Variants in ABI3BP observed in about 807,000 individuals in gnomAD.
ABI3BP encodes the protein target of Nesh-SH3.
A neutral mutation model predicts 268.6 loss-of-function variants in ABI3BP; 216 were observed. The observed-to-expected ratio is 0.80, with a 90% CI of 0.72 to 0.90. The LOEUF is 0.90. ABI3BP is among the 40% of genes least tolerant of loss of function. The pLI is 0.00. For synonymous variants in ABI3BP, 730 were observed against 730.0 expected (o/e 1.00, Z 0.00); for missense variants, 2,090 against 2,182.4 (o/e 0.96, Z 0.84).
In ABI3BP at chr3:100,855,177, C is replaced by T. The variant is rs965851291; in HGVS notation, c.1286-3237G>A. On this transcript the variant is annotated intron_variant, in intron 14 of 67. Transcript: ENST00000471714. ...TCCTGACCTTGTGATCCGCCCACCT[C>T]GGCCTCCCAAAGTGCTGGGATTACA... Among the ~76,000 whole-genome samples, 4 of 152,320 alleles carry T rather than the reference C, an allele frequency of 2.6e-5. 1 individual carries two copies. The highest frequency in any genetic ancestry group is 4.1e-4 in the South Asian group (2 of 4,830).
At chr3:100,783,759 A>G (rs2096939744) in intron 57 of ABI3BP, among the ~76,000 whole-genome samples, 1 of 152,250 alleles carries the variant, frequency 6.6e-6, no homozygotes, top group Admixed American at 6.5e-5. Context: ...TACACAGTAC[A>G]CATTGTACAT....
intron 50 of ABI3BP, among the ~76,000 whole-genome samples, chr3:100,806,445 A>G (rs2097709007): frequency 6.6e-6 from 1 of 152,106 alleles, no homozygotes; most frequent in Admixed American, 6.6e-5. Flanking sequence ...ATATATGTGT[A>G]CATATACACA....
chr3:100,898,882 G>C lies in ABI3BP; in HGVS notation c.341C>G (p.Ser114Cys). Residue 114 changes from serine to cysteine, a missense_variant, in exon 4 of 68, where the codon TCT (serine) becomes TGT (cysteine). Physicochemically the swap from Ser to Cys is moderately radical, Grantham distance 112. Transcript: ENST00000471714. ...AACCACCAGCTGCAGAGGTTTGCGA[G>C]AACGAGTTTTACCTGTGGAGGTGGC... is the stretch of plus-strand genomic sequence containing the variant. ...QKKSCSGKTRSRKPLQLVVGT... is the reference protein window; with the variant it reads ...QKKSCSGKTRCRKPLQLVVGT... The C allele has an allele frequency of 6.2e-7, 1 of 1,610,084 alleles. No homozygotes were observed. The highest frequency in any genetic ancestry group is 8.5e-7 in the Non-Finnish European group (1 of 1,178,460).
intron 2 of ABI3BP, among the ~76,000 whole-genome samples, chr3:100,909,392 A>T (rs1431050948): frequency 1.3e-5 from 2 of 152,082 alleles, no homozygotes; most frequent in African/African-American, 4.8e-5. Context: ...TGGCAAAAAA[A>T]AAAAGCCAAA....
At chr3:100,817,326 AAGATGACAAGATAGTCC>A (rs1445080164) in intron 42 of ABI3BP, 93 bp downstream of exon 42, 13 of 696,376 alleles carry the variant, frequency 1.9e-5, no homozygotes, top group Non-Finnish European at 2.5e-5. Flanking sequence ...AGGATAGCAG[AAGATGACAAGATAGTCC>A]TACAAAGCTG....
rs1177587697 is a variant in ABI3BP, at chr3:100,822,591, G to A, written c.2885C>T (p.Pro962Leu). Reference sequence around the variant, plus strand: ...TAAACCAGGAACACATAGTTTACCTGGTTTGGATTCAGGTGCTTCAGGACG... The same window carrying A: ...TAAACCAGGAACACATAGTTTACCTAGTTTGGATTCAGGTGCTTCAGGACG... ...TPRPEAPESK[P>L]VPTAELKPVT... Residue 962 changes from proline (P) to leucine (L), a missense_variant and splice_region_variant, in exon 38 of 68, where the codon CCA becomes CTA. By Grantham distance (98) the Pro-to-Leu change is moderately conservative (BLOSUM62 -3). Transcript: ENST00000471714. 6.5e-7 allele frequency: 1 copy of A among 1,536,220 alleles called. No individual in the cohort carries two copies. The highest frequency in any genetic ancestry group is 2.4e-5 in the East Asian group (1 of 40,886).
intron 52 of ABI3BP, 134 bp downstream of exon 52, chr3:100,796,275 A>G: frequency 1.5e-6 from 1 of 660,190 alleles, no homozygotes; most frequent in Non-Finnish European, 2.5e-6. Flanking sequence ...TACCCACAAG[A>G]AATATGCATT....
chr3:100,886,201 T>C lies in ABI3BP; in HGVS notation c.584A>G (p.Lys195Arg), dbSNP rs2041916725. 22 of 1,608,938 alleles carry C rather than the reference T, an allele frequency of 1.4e-5. No homozygotes were observed. Among genetic ancestry groups the C allele is most frequent in the Non-Finnish European group, 1.9e-5 (22 of 1,177,342 alleles). ...CCAAATTCCACCTTCCACATTGTCTTTCACTCCAAATTCATAAACTGTGTT... is the reference window on the plus strand; with the variant it reads ...CCAAATTCCACCTTCCACATTGTCTCTCACTCCAAATTCATAAACTGTGTT... ...KPNTVYEFGVKDNVEGGIWSK... is the reference protein window; with the variant it reads ...KPNTVYEFGVRDNVEGGIWSK... Residue 195 changes from lysine to arginine, a missense_variant, in exon 5 of 68, where the codon AAA becomes AGA. By Grantham distance (26) the Lys-to-Arg change is conservative. Coordinates refer to ENST00000471714, the MANE Select transcript of ABI3BP (RefSeq NM_001375547.2).
intron 2 of ABI3BP, among the ~76,000 whole-genome samples, chr3:100,910,431 T>G (rs76609074): frequency 1.3e-5 from 2 of 151,090 alleles, no homozygotes; most frequent in African/African-American, 2.4e-5. Context: ...AAAAAAAAAT[T>G]ATCAGTTTAG....
chr3:100,829,807 CT>C (rs2098453270), intron 32 of ABI3BP, 143 bp from the exon 33 acceptor site: 1 of 597,326 alleles, frequency 1.7e-6, no homozygotes, highest in Non-Finnish European at 2.9e-6. Flanking sequence ...TACAGTGTCT[CT>C]TTTTATCATG....
chr3:100,821,245 A>C, intron 38 of ABI3BP, 132 bp from the exon 39 acceptor site: 1 of 749,832 alleles, frequency 1.3e-6, no homozygotes. Context: ...AAAACTGTTA[A>C]AACTAAAAAA....
intron 4 of ABI3BP, among the ~76,000 whole-genome samples, chr3:100,890,946 A>G (rs2044338082): frequency 6.6e-6 from 1 of 151,612 alleles, no homozygotes; most frequent in Non-Finnish European, 1.5e-5. Flanking sequence ...TTAGGTCATT[A>G]ATATCTTTGG....
chr3:100,775,402 T>G, intron 59 of ABI3BP, 67 bp from the exon 60 acceptor site: 2 of 1,538,998 alleles, frequency 1.3e-6, no homozygotes, highest in Non-Finnish European at 1.8e-6. Flanking sequence ...AAACATTTAT[T>G]TATTCCATAA....
At chr3:100,878,515 A>T (rs1394873631) in intron 6 of ABI3BP, among the ~76,000 whole-genome samples, 1 of 152,248 alleles carries the variant, frequency 6.6e-6, no homozygotes, top group Non-Finnish European at 1.5e-5. Context: ...TAGAGGAATG[A>T]CGCAGATATA....
At chr3:100,840,245 G>A in intron 22 of ABI3BP, 81 bp from the exon 23 acceptor site, 1 of 1,102,972 alleles carries the variant, frequency 9.1e-7, no homozygotes, top group Non-Finnish European at 1.3e-6. Context: ...ATCTTAGAAG[G>A]ACATTTAAAC....
intron 38 of ABI3BP, 110 bp from the exon 39 acceptor site, chr3:100,821,223 T>C (rs1210022023): frequency 5.5e-6 from 5 of 906,512 alleles, no homozygotes; most frequent in African/African-American, 5.1e-5. Context: ...TAGAATTATA[T>C]AGCAACCTTT....
intron 1 of ABI3BP, among the ~76,000 whole-genome samples, chr3:100,930,550 T>C (rs1170338050): frequency 6.6e-6 from 1 of 151,968 alleles, no homozygotes; most frequent in Non-Finnish European, 1.5e-5. Flanking sequence ...CAAAAAACCC[T>C]CAGAGACTAT....
At chr3:100,834,006 C>T (rs543315030) in intron 29 of ABI3BP, among the ~76,000 whole-genome samples, 48 of 152,234 alleles carry the variant, frequency 3.2e-4, no homozygotes, top group Non-Finnish European at 4.6e-4. Flanking sequence ...GCTCTTGCTC[C>T]GTTGCCTGGG....
At chr3:100,868,065 G>C (rs531476681) in intron 9 of ABI3BP, among the ~76,000 whole-genome samples, 123 of 152,236 alleles carry the variant, frequency 8.1e-4, no homozygotes, top group African/African-American at 2.8e-3. Context: ...ATAATATTTT[G>C]AAACAGTCTA....
Sources: gnomAD v4.1 joint callset for allele counts (sites outside exome capture counted in the v4.1 genomes callset) on GRCh38, gnomAD v4.1.1 for gene constraint, MANE v1.5 for transcripts, NCBI Gene and HGNC (gene_info 2026-07-23, HGNC 2026-07-21) for gene names.